CELF2: variants seen among roughly 807,000 people sequenced by gnomAD.
The protein encoded by CELF2 is CUGBP Elav-like family member 2.
CELF2 carries 8 observed loss-of-function variants against 62.6 expected under a neutral mutation model. That is an observed-to-expected ratio of 0.13 (90% CI 0.07 to 0.23). CELF2 has a LOEUF of 0.23. Among genes scored for constraint, CELF2 ranks in the 10% least tolerant of loss-of-function variants. The probability of loss-of-function intolerance (pLI) is 1.00; values close to 1 mark genes in which losing one functional copy is unlikely to be tolerated. For missense variants in CELF2, 333 were observed against 671.0 expected, an observed-to-expected ratio of 0.50 and a Z score of 5.56; for synonymous variants, 258 against 250.0, an observed-to-expected ratio of 1.03 and a Z score of -0.30.
chr10:11,139,348 G>A (rs2060925891), intron 1 of CELF2, among the ~76,000 whole-genome samples: 1 of 152,142 alleles, frequency 6.6e-6, no homozygotes, highest in Non-Finnish European at 1.5e-5. Context: ...AAGAAACATT[G>A]TCTTTGCAAA....
At chr10:10,961,389 G>C (rs1215768404) in intron 2 of CELF2, among the ~76,000 whole-genome samples, 1 of 152,164 alleles carries the variant, frequency 6.6e-6, no homozygotes, top group Admixed American at 6.5e-5. Context: ...TCTCATCCAG[G>C]TGAATTTCTT....
chr10:11,047,910 A>C (rs1016688518), intron 1 of CELF2, among the ~76,000 whole-genome samples: 1 of 152,166 alleles, frequency 6.6e-6, no homozygotes, highest in Non-Finnish European at 1.5e-5. Context: ...AAACCTGAAG[A>C]ATTTTTTTCT....
At chr10:10,714,743 T>G in the CELF2 span, among the ~76,000 whole-genome samples, 1 of 152,216 alleles carries the variant, frequency 6.6e-6, no homozygotes, top group African/African-American at 2.4e-5. Context: ...GTGGGCATGT[T>G]TAAATGCATC....
chr10:10,884,085 C>T (rs940762004), intron 1 of CELF2, among the ~76,000 whole-genome samples: 1 of 152,046 alleles, frequency 6.6e-6, no homozygotes, highest in African/African-American at 2.4e-5. Context: ...TGCAAGGAAC[C>T]TCACAATCTT....
rs2065579220 is a variant in CELF2 at position 11,223,663 on chromosome 10, C to T, written c.354+6156C>T. Among the ~76,000 whole-genome samples the T allele has an allele frequency of 6.6e-6, 1 of 152,224 alleles. No homozygotes were observed. Among genetic ancestry groups the T allele is most frequent in the Non-Finnish European group, 1.5e-5 (1 of 68,034 alleles). On this transcript the variant is annotated intron_variant, in intron 3 of 12. Transcript: ENST00000633077. This position sits in a 1 kb window ranked among gnomAD's most constrained non-coding sequence, Gnocchi z 5.1. The stretch of plus-strand genomic sequence containing the variant: ...GGAGGAGTCCTTGAGGGTGCAGAAG[C>T]TCCCTTCCCCCTGCAGGAGTCACAG...
At chr10:10,535,415 G>C in the CELF2 span, among the ~76,000 whole-genome samples, 2 of 152,154 alleles carry the variant, frequency 1.3e-5, no homozygotes, top group Non-Finnish European at 2.9e-5. Context: ...ACCGTACCTT[G>C]TCCCTTCGAT....
intron 1 of CELF2, among the ~76,000 whole-genome samples, chr10:10,901,038 G>C (rs1207353950): frequency 6.6e-6 from 1 of 152,168 alleles, no homozygotes; most frequent in Non-Finnish European, 1.5e-5. Flanking sequence ...TTAGAGAAGA[G>C]CTAAATAAAT....
chr10:10,514,648 C>T, the CELF2 span, among the ~76,000 whole-genome samples: 3 of 151,996 alleles, frequency 2.0e-5, no homozygotes, highest in Admixed American at 6.6e-5. Flanking sequence ...GCAAGAAGAA[C>T]GATTTGGTTA....
intron 1 of CELF2, among the ~76,000 whole-genome samples, chr10:10,907,149 A>G (rs1487458022): frequency 1.3e-5 from 2 of 152,130 alleles, no homozygotes; most frequent in Non-Finnish European, 2.9e-5. Flanking sequence ...ACACATAACT[A>G]GAAGGGAAAA....
intron 1 of CELF2, chr10:10,918,027 A>G (rs2064514986): frequency 6.6e-6 from 1 of 152,224 alleles, no homozygotes; most frequent in Non-Finnish European, 1.5e-5. Context: ...CTGTGCTGTT[A>G]GTGTTACTAC....
At chr10:11,291,238 G>A (rs919349042) in intron 9 of CELF2, among the ~76,000 whole-genome samples, 10 of 152,132 alleles carry the variant, frequency 6.6e-5, no homozygotes, top group African/African-American at 2.4e-4. Flanking sequence ...CATCTGGAAA[G>A]CAAAGGGACA....
chr10:11,091,267 G>T (rs1187568129), intron 1 of CELF2, among the ~76,000 whole-genome samples: 1 of 152,202 alleles, frequency 6.6e-6, no homozygotes, highest in Non-Finnish European at 1.5e-5. Flanking sequence ...CAACTGAGTA[G>T]AAGACATTAA....
chr10:10,715,977 A>G, the CELF2 span, among the ~76,000 whole-genome samples: 1 of 152,196 alleles, frequency 6.6e-6, no homozygotes, highest in South Asian at 2.1e-4. Context: ...TATAGTCCCA[A>G]TACAGTTCTC....
In CELF2 at chr10:10,910,699, C is replaced by CAAAAAAAAAAAAAAAAA. The variant is rs55954207; in HGVS notation, c.54-9261_54-9245dup. 3.0e-4 allele frequency among the ~76,000 whole-genome samples: 28 copies of CAAAAAAAAAAAAAAAAA among 92,054 alleles called. 1 individual carries two copies. The highest frequency in any genetic ancestry group is 6.3e-3 in the Middle Eastern group (1 of 158). The allele number at this position is 92,054 out of a possible 152,430, so 60.4% of individuals were successfully genotyped here. A position where few individuals can be genotyped will look rare whatever the true frequency, so the allele number is the denominator to read the frequency against. ...TGGACTACAGAGTGAGACTCTGCCT[C>CAAAAAAAAAAAAAAAAA]AAAAAAAAAAAAAAAAAAAAGAAAA... On this transcript the variant is annotated intron_variant, in intron 1 of 13. Transcript: ENST00000636488.
Position 11,331,654 on chromosome 10 carries a change from T to G in CELF2, c.*2601T>G, listed in dbSNP as rs2096024122. On this transcript the variant is annotated 3_prime_UTR_variant, in exon 13 of 13. Coordinates refer to ENST00000633077, the MANE Select transcript of CELF2 (RefSeq NM_001326342.2). ...GGTTACAAAGTTTGTTAACTTGCTA[T>G]CCTGTGGTCTTGTTGCCTGAAATTG... 1 of 152,610 alleles carries G rather than the reference T, an allele frequency of 6.6e-6. No homozygotes were observed. Among genetic ancestry groups the G allele is most frequent in the Non-Finnish European group, 1.5e-5 (1 of 68,038 alleles). 9.5% of individuals were successfully genotyped at this position (152,610 alleles called of 1,614,324 possible).
At chr10:11,045,986 A>G (rs193265685) in intron 1 of CELF2, among the ~76,000 whole-genome samples, 17 of 152,294 alleles carry the variant, frequency 1.1e-4, no homozygotes, top group Admixed American at 5.9e-4. Context: ...CTAGGGGTAG[A>G]GGTGAAAGAA....
chr10:11,273,084 G>A (rs955516272), intron 7 of CELF2, among the ~76,000 whole-genome samples: 1 of 152,124 alleles, frequency 6.6e-6, no homozygotes, highest in African/African-American at 2.4e-5. Flanking sequence ...GAGAGTATGT[G>A]TGTGGGCAGG....
the CELF2 span, among the ~76,000 whole-genome samples, chr10:10,623,478 G>A: frequency 1.3e-5 from 2 of 152,162 alleles, no homozygotes; most frequent in African/African-American, 4.8e-5. Flanking sequence ...ATGGCATGAA[G>A]TCTCTTTCCC....
intron 1 of CELF2, among the ~76,000 whole-genome samples, chr10:10,837,284 C>G (rs1038250542): frequency 1.3e-5 from 2 of 152,176 alleles, no homozygotes; most frequent in Non-Finnish European, 2.9e-5. Context: ...AAGAGTTTCC[C>G]CTTTCACTTG....
Sources: gnomAD v4.1 joint callset for allele counts (sites outside exome capture counted in the v4.1 genomes callset) on GRCh38, gnomAD v4.1.1 for gene constraint, Gnocchi (gnomAD v3.1) non-coding constraint, MANE v1.5 for transcripts, NCBI Gene and HGNC (gene_info 2026-07-23, HGNC 2026-07-21) for gene names.